SFSWAP: variants seen among roughly 807,000 people sequenced by gnomAD.
SFSWAP encodes the protein splicing factor SWAP, also known as splicing factor, suppressor of white-apricot homolog.
A neutral mutation model predicts 100.7 loss-of-function variants in SFSWAP; 17 were observed. The observed-to-expected ratio is 0.17, with a 90% CI of 0.12 to 0.25. SFSWAP has a LOEUF of 0.25. Ranked by LOEUF, SFSWAP falls within the 10% of genes least tolerant of loss-of-function variation. The pLI, the probability that SFSWAP is intolerant of heterozygous loss-of-function variation, is 1.00. For missense variants in SFSWAP, 1,005 were observed against 1,262.6 expected, an observed-to-expected ratio of 0.80 and a Z score of 3.09; for synonymous variants, 504 against 510.1, an observed-to-expected ratio of 0.99 and a Z score of 0.16.
chr12:131,721,609 T>C (rs1204805429), intron 4 of SFSWAP, among the ~76,000 whole-genome samples: 1 of 152,224 alleles, frequency 6.6e-6, no homozygotes, highest in Non-Finnish European at 1.5e-5. Context: ...TTTTTTAATT[T>C]TTTATTCAAA....
chr12:131,789,684 T>C (rs1413891337), intron 15 of SFSWAP, among the ~76,000 whole-genome samples: 1 of 147,214 alleles, frequency 6.8e-6, no homozygotes, highest in African/African-American at 2.5e-5. Context: ...CGTTCGTGTG[T>C]GTATTTCATG....
At chr12:131,726,396 G>A (rs1878981526) in intron 5 of SFSWAP, among the ~76,000 whole-genome samples, 1 of 152,138 alleles carries the variant, frequency 6.6e-6, no homozygotes, top group Non-Finnish European at 1.5e-5. Context: ...TTTTAGTAGA[G>A]ACAAGGTTTC....
chr12:131,748,206 A>G (rs1432970278), intron 7 of SFSWAP, among the ~76,000 whole-genome samples: 1 of 139,982 alleles, frequency 7.1e-6, no homozygotes, highest in African/African-American at 2.6e-5. Context: ...AGAACTCTTA[A>G]CTATTTTAAT....
rs76044522 is a variant in SFSWAP, at chr12:131,794,337, C to G, written c.2535-2841C>G. On this transcript the variant is annotated intron_variant, in intron 15 of 17. Transcript: ENST00000261674. This position sits in a 1 kb window ranked among gnomAD's most constrained non-coding sequence, Gnocchi z 4.8. ...ATTGCTTGAGCCCAGGATTTGCAGG[C>G]TTTTTTTTTTTTTGGTAGAGACCCC... 1.5e-5 allele frequency among the ~76,000 whole-genome samples: 2 copies of G among 132,154 alleles called. No homozygotes were observed. Among genetic ancestry groups the G allele is most frequent in the African/African-American group, 5.6e-5 (2 of 35,582 alleles). 86.7% of individuals were successfully genotyped at this position (132,154 alleles called of 152,430 possible).
At chr12:131,769,720 G>A (rs55645619) in intron 13 of SFSWAP, among the ~76,000 whole-genome samples, 11,444 of 152,068 alleles carry the variant, frequency 0.075, 485 homozygotes, top group Middle Eastern at 0.12. Flanking sequence ...TCCGCCTCCC[G>A]GGTTCACACC....
intron 15 of SFSWAP, among the ~76,000 whole-genome samples, chr12:131,787,789 C>T (rs1021340848): frequency 6.6e-6 from 1 of 152,200 alleles, no homozygotes; most frequent in Non-Finnish European, 1.5e-5. Flanking sequence ...GCAGGTCCTC[C>T]CCACAGCACC....
chr12:131,749,344 C>T (rs1034555302), intron 7 of SFSWAP, among the ~76,000 whole-genome samples: 3 of 152,198 alleles, frequency 2.0e-5, no homozygotes, highest in African/African-American at 2.4e-5. Context: ...TGCCCTCCCC[C>T]GTTCATGACT....
intron 11 of SFSWAP, among the ~76,000 whole-genome samples, chr12:131,762,325 T>G (rs1882746130): frequency 1.3e-5 from 2 of 152,150 alleles, no homozygotes; most frequent in African/African-American, 4.8e-5. Context: ...GCAGGAGGAT[T>G]GCTTGAGGCC....
chr12:131,776,753 C>T (rs1884057763), intron 13 of SFSWAP, among the ~76,000 whole-genome samples: 1 of 152,172 alleles, frequency 6.6e-6, no homozygotes, highest in African/African-American at 2.4e-5. Context: ...CTTCGAGGCA[C>T]AAAGGATAAA....
At chr12:131,792,202 CGT>C (rs1266207864) in intron 15 of SFSWAP, among the ~76,000 whole-genome samples, 4 of 146,980 alleles carry the variant, frequency 2.7e-5, no homozygotes, top group East Asian at 2.0e-4. Context: ...TGTGTGCGCC[CGT>C]GTGTGTTCAC....
At position 131,784,574 on chromosome 12, in the gene SFSWAP, A is replaced by C. The variant is rs181059678; in HGVS notation, c.2409-1889A>C. On this transcript the variant is annotated intron_variant, in intron 14 of 17. Coordinates refer to ENST00000261674, the MANE Select transcript of SFSWAP (RefSeq NM_004592.4). ...AACTGTGAGTCACGTTATGCTTGCA[A>C]GTGTTTAATTCAGACCATTTCATCT... The C allele has an allele frequency of 1.1e-4, 17 of 152,286 alleles. 1 individual carries two copies. The East Asian group carries it at 3.3e-3, about 29-fold the overall frequency. The allele number at this position is 152,286 out of a possible 1,614,324, so 9.4% of individuals were successfully genotyped here.
chr12:131,762,935 C>T (rs935602293), intron 11 of SFSWAP, among the ~76,000 whole-genome samples: 7 of 151,976 alleles, frequency 4.6e-5, no homozygotes, highest in Non-Finnish European at 8.8e-5. Context: ...CAAACATGTA[C>T]GAAAACAGAA....
intron 15 of SFSWAP, among the ~76,000 whole-genome samples, chr12:131,789,251 G>T (rs1477088558): frequency 1.3e-5 from 2 of 152,194 alleles, no homozygotes; most frequent in East Asian, 3.8e-4. Flanking sequence ...CAAAGTGCTG[G>T]CATAAACCAC....
chr12:131,773,732 T>C (rs1221025511), intron 13 of SFSWAP, among the ~76,000 whole-genome samples: 1 of 152,252 alleles, frequency 6.6e-6, no homozygotes, highest in Non-Finnish European at 1.5e-5. Flanking sequence ...TGCCTGTGTT[T>C]GCTGAATCTC....
At chr12:131,739,510 A>G (rs1363707165) in intron 7 of SFSWAP, among the ~76,000 whole-genome samples, 1 of 78,026 alleles carries the variant, frequency 1.3e-5, no homozygotes, top group Non-Finnish European at 2.8e-5. Flanking sequence ...TATAAATAGT[A>G]TTTGCATTCT....
chr12:131,758,610 T>A (rs1454102709), intron 11 of SFSWAP, among the ~76,000 whole-genome samples: 1 of 152,170 alleles, frequency 6.6e-6, no homozygotes, highest in African/African-American at 2.4e-5. Flanking sequence ...ATGGAAAATA[T>A]TATAAAACTA....
At chr12:131,757,040 C>G (rs1431619998) in intron 11 of SFSWAP, 1 of 166,174 alleles carries the variant, frequency 6.0e-6, no homozygotes, top group Non-Finnish European at 1.3e-5. Flanking sequence ...ATACTTCACT[C>G]ACTCGATTTC....
At chr12:131,745,749 T>G (rs1241421392) in intron 7 of SFSWAP, among the ~76,000 whole-genome samples, 2 of 149,086 alleles carry the variant, frequency 1.3e-5, no homozygotes, top group East Asian at 2.0e-4. Context: ...AAACTTTTAG[T>G]AAGGCTTTTT....
chr12:131,771,073 C>T (rs1380059159), intron 13 of SFSWAP, among the ~76,000 whole-genome samples: 3 of 152,168 alleles, frequency 2.0e-5, no homozygotes, highest in South Asian at 2.1e-4. Context: ...CGTTTGTTTC[C>T]GAACACTTTG....
Sources: gnomAD v4.1 joint callset for allele counts (sites outside exome capture counted in the v4.1 genomes callset) on GRCh38, gnomAD v4.1.1 for gene constraint, Gnocchi (gnomAD v3.1) non-coding constraint, MANE v1.5 for transcripts, NCBI Gene and HGNC (gene_info 2026-07-23, HGNC 2026-07-21) for gene names.